LGR5: variants seen among roughly 807,000 people sequenced by gnomAD.
LGR5 encodes the protein leucine rich repeat containing G protein-coupled receptor 5.
In LGR5, 54 loss-of-function variants were observed where a neutral mutation model predicts 76.7. The observed-to-expected ratio is 0.70, with a 90% confidence interval of 0.57 to 0.88. LGR5 has a LOEUF of 0.88. LGR5 is among the 40% of genes least tolerant of loss of function. The pLI, the probability that LGR5 is intolerant of heterozygous loss-of-function variation, is 0.00. For synonymous variants in LGR5, 406 were observed against 421.9 expected, an observed-to-expected ratio of 0.96 and a Z score of 0.46; for missense variants, 1,078 against 1,073.3, an observed-to-expected ratio of 1.00 and a Z score of -0.06.
At chr12:71,496,523 C>T (rs2137289696) in intron 1 of LGR5, among the ~76,000 whole-genome samples, 1 of 152,236 alleles carries the variant, frequency 6.6e-6, no homozygotes, top group Middle Eastern at 3.4e-3. Context: ...AACTATTTGG[C>T]AGTATCTATT....
chr12:71,584,361 T>C lies in LGR5; in HGVS notation c.2351T>C (p.Phe784Ser). Residue 784 changes from phenylalanine to serine, a missense_variant, in exon 18 of 18, where the codon TTC becomes TCC. Physicochemically the swap from Phe to Ser is radical, Grantham distance 155. Transcript: ENST00000266674. ...TNCILNCPVA[F>S]LSFSSLINLT... ...TGCATCCTAAACTGCCCTGTGGCTT[T>C]CTTGTCCTTCTCCTCTTTAATAAAC... 1.2e-6 allele frequency: 2 copies of C among 1,614,222 alleles called. No homozygotes were observed. Among genetic ancestry groups the C allele is most frequent in the Non-Finnish European group, 1.7e-6 (2 of 1,180,020 alleles).
chr12:71,486,380 A>G (rs1873829115), intron 1 of LGR5, among the ~76,000 whole-genome samples: 1 of 152,258 alleles, frequency 6.6e-6, no homozygotes, highest in East Asian at 1.9e-4. Flanking sequence ...AAAATATTAA[A>G]AACCTGTGAG....
chr12:71,567,994 T>C lies in LGR5; in HGVS notation c.1070+1082T>C, dbSNP rs1002375492. Among the ~76,000 whole-genome samples the C allele has an allele frequency of 1.8e-4, 27 of 152,288 alleles. No individual in the cohort carries two copies. The South Asian group carries it at 2.7e-3, about 15-fold the overall frequency. ...GATTGAATAACTGGGAGAAAGTGTG[T>C]GTATATCAGGTGGTAGAAATTTGGG... is the stretch of plus-strand genomic sequence containing the variant. On this transcript the variant is annotated intron_variant, in intron 11 of 17. Transcript: ENST00000266674.
chr12:71,530,307 C>A (rs1472620625), intron 3 of LGR5, among the ~76,000 whole-genome samples: 3 of 152,250 alleles, frequency 2.0e-5, no homozygotes, highest in East Asian at 3.9e-4. Flanking sequence ...CCCCTACTCT[C>A]ATGAAAACTC....
At chr12:71,577,876 C>A in intron 13 of LGR5, 49 bp from the exon 14 acceptor site, 1 of 1,232,456 alleles carries the variant, frequency 8.1e-7, no homozygotes, top group Non-Finnish European at 1.2e-6. Context: ...TAAAACTTCA[C>A]ATGTTCTTTA....
intron 1 of LGR5, among the ~76,000 whole-genome samples, chr12:71,453,912 T>C (rs1872353418): frequency 1.3e-5 from 2 of 152,062 alleles, no homozygotes; most frequent in Non-Finnish European, 2.9e-5. Context: ...GAGGCTAATA[T>C]CATTCCCTGA....
At chr12:71,504,733 T>A in intron 2 of LGR5, 48 bp downstream of exon 2, 1 of 1,413,126 alleles carries the variant, frequency 7.1e-7, no homozygotes, top group Non-Finnish European at 1.0e-6. Flanking sequence ...CTGGGCACAT[T>A]CTTGTGTTTG....
intron 1 of LGR5, among the ~76,000 whole-genome samples, chr12:71,464,684 C>A (rs1484264425): frequency 1.3e-5 from 2 of 152,034 alleles, no homozygotes. Flanking sequence ...GAGTTTCAAC[C>A]GGCTACAGGA....
intron 1 of LGR5, among the ~76,000 whole-genome samples, chr12:71,447,677 A>C (rs1037399281): frequency 1.3e-5 from 2 of 152,198 alleles, no homozygotes; most frequent in African/African-American, 4.8e-5. Flanking sequence ...CGTGCACACT[A>C]ATACACACAC....
intron 7 of LGR5, among the ~76,000 whole-genome samples, chr12:71,561,195 G>A (rs1439483766): frequency 1.3e-5 from 2 of 152,174 alleles, no homozygotes; most frequent in African/African-American, 4.8e-5. Context: ...ATGGCATGGG[G>A]TCACCTCATA....
At chr12:71,552,979 C>G (rs2137410859) in intron 4 of LGR5, 94 bp from the exon 5 acceptor site, 2 of 1,137,294 alleles carry the variant, frequency 1.8e-6, no homozygotes, top group Non-Finnish European at 1.3e-6. Context: ...CTGTTCCACT[C>G]TTGTTCATCA....
intron 4 of LGR5, among the ~76,000 whole-genome samples, chr12:71,543,941 G>A (rs188086863): frequency 3.3e-5 from 5 of 152,220 alleles, no homozygotes; most frequent in Non-Finnish European, 5.9e-5. Context: ...AAGGGTCTTC[G>A]TTTTCTATGA....
intron 3 of LGR5, among the ~76,000 whole-genome samples, chr12:71,528,808 G>T (rs1200431940): frequency 6.6e-6 from 1 of 152,136 alleles, no homozygotes; most frequent in Non-Finnish European, 1.5e-5. Context: ...CAACTTCTGA[G>T]AAGGCAGTTT....
chr12:71,487,967 T>C (rs1249460257), intron 1 of LGR5, among the ~76,000 whole-genome samples: 1 of 152,188 alleles, frequency 6.6e-6, no homozygotes, highest in Non-Finnish European at 1.5e-5. Flanking sequence ...CTATTATAAA[T>C]AGGAACTGAA....
chr12:71,447,824 T>C (rs1407310882), intron 1 of LGR5, among the ~76,000 whole-genome samples: 1 of 152,136 alleles, frequency 6.6e-6, no homozygotes, highest in Non-Finnish European at 1.5e-5. Flanking sequence ...TTCAGTTCGG[T>C]TCAGAAACTG....
upstream of LGR5, among the ~76,000 whole-genome samples, chr12:71,439,253 G>T (rs1871623753): frequency 6.6e-6 from 1 of 152,190 alleles, no homozygotes; most frequent in Non-Finnish European, 1.5e-5. Flanking sequence ...AGACAGTGCG[G>T]CAGACGTAAG....
chr12:71,559,624 C>T lies in LGR5; in HGVS notation c.755C>T (p.Ala252Val). 6.4e-7 allele frequency: 1 copy of T among 1,568,522 alleles called. No individual in the cohort carries two copies. ...NYNNLDEFPT[A>V]IRTLSNLKEL... ...AATAACCTTGATGAATTCCCCACTG[C>T]AATTAGGACACTCTCCAACCTTAAA... Residue 252 changes from alanine (A) to valine (V), a missense_variant, in exon 7 of 18, where the codon GCA becomes GTA. Transcript: ENST00000266674.
At chr12:71,441,346 A>C (rs1871759414) in intron 1 of LGR5, 1 of 152,246 alleles carries the variant, frequency 6.6e-6, no homozygotes, top group Non-Finnish European at 1.5e-5. Context: ...GCCAGGTTCT[A>C]GGCCACTCTG....
intron 8 of LGR5, among the ~76,000 whole-genome samples, chr12:71,565,296 G>T (rs1212900555): frequency 2.6e-5 from 4 of 151,654 alleles, no homozygotes; most frequent in Non-Finnish European, 5.9e-5. Context: ...TAACAAATTA[G>T]AAAATTGAGG....
Sources: allele counts gnomAD v4.1 joint callset (sites outside exome capture counted in the v4.1 genomes callset), GRCh38; gene constraint gnomAD v4.1.1; transcripts MANE v1.5; gene names NCBI Gene and HGNC (gene_info 2026-07-23, HGNC 2026-07-21).